The following SLFN12L variants were observed in gnomAD, a reference collection of about 807,000 sequenced individuals.
SLFN12L encodes the protein schlafen family member 12 like.
A neutral mutation model predicts 34.8 loss-of-function variants in SLFN12L; 34 were observed. The observed-to-expected ratio is 0.98, with a 90% CI of 0.74 to 1.30. SLFN12L has a LOEUF of 1.30. SLFN12L is among the 50% of genes most tolerant of loss of function. SLFN12L has a pLI of 0.00. For synonymous variants in SLFN12L, 259 were observed against 247.5 expected (o/e 1.05, Z -0.44); for missense variants, 703 against 696.2 (o/e 1.01, Z -0.11).
rs1201091339 is a variant in SLFN12L, at chr17:35,530,497, AAAGAAAGAAAG to A, written c.-606+7065_-606+7075del. 4.5e-4 allele frequency among the ~76,000 whole-genome samples: 17 copies of A among 37,864 alleles called. No individual in the cohort carries two copies. In the East Asian group the frequency reaches 5.8e-3, roughly 13 times the overall value. The allele number at this position is 37,864 out of a possible 152,430, so 24.8% of individuals were successfully genotyped here. On this transcript the variant is annotated intron_variant, in intron 1 of 4. Transcript: ENST00000628453. ...GAAAGAAAGAAAGAAAGAAAGAAAGAAAGAAAGAAAGAAAGAAAAGAAAAGAAAAGAAAAGA... is the reference window on the plus strand; with the variant it reads ...GAAAGAAAGAAAGAAAGAAAGAAAGAAAAGAAAAGAAAAGAAAAGAAAAGA...
At chr17:35,537,019 G>A (rs2072468685) in intron 1 of SLFN12L, among the ~76,000 whole-genome samples, 1 of 151,606 alleles carries the variant, frequency 6.6e-6, no homozygotes, top group Non-Finnish European at 1.5e-5. Context: ...CTACAGAAAC[G>A]AAAAAAATTA....
At chr17:35,490,529 A>G (rs1020867033) in intron 2 of SLFN12L, 3 of 880,094 alleles carry the variant, frequency 3.4e-6, no homozygotes, top group Admixed American at 1.7e-5. Flanking sequence ...AAGTCTAAAA[A>G]TAACGTCCAG....
At chr17:35,505,410 C>T (rs1000565011) in intron 2 of SLFN12L, among the ~76,000 whole-genome samples, 1 of 152,212 alleles carries the variant, frequency 6.6e-6, no homozygotes, top group Non-Finnish European at 1.5e-5. Flanking sequence ...GCAGCAACAG[C>T]TCTGCTAGCA....
chr17:35,520,642 G>A (rs1181508532), intron 2 of SLFN12L, among the ~76,000 whole-genome samples: 2 of 152,232 alleles, frequency 1.3e-5, no homozygotes, highest in South Asian at 2.1e-4. Context: ...CTACTCGGGA[G>A]GTTGAGGCAG....
At chr17:35,515,263 G>A (rs1261540523) in intron 2 of SLFN12L, 1 of 451,476 alleles carries the variant, frequency 2.2e-6, no homozygotes, top group African/African-American at 2.0e-5. Flanking sequence ...TCCGAGCACA[G>A]GGAGCCGCTC....
At chr17:35,481,719 T>A (rs943526377) in intron 2 of SLFN12L, among the ~76,000 whole-genome samples, 1 of 152,228 alleles carries the variant, frequency 6.6e-6, no homozygotes, top group Non-Finnish European at 1.5e-5. Flanking sequence ...CAGCTGTTTT[T>A]CTTATATCTC....
chr17:35,483,935 A>G (rs527243778), intron 2 of SLFN12L, among the ~76,000 whole-genome samples: 1 of 152,360 alleles, frequency 6.6e-6, no homozygotes, highest in South Asian at 2.1e-4. Context: ...TTGAGGCCCC[A>G]GATCATTTGG....
At chr17:35,513,737 C>T (rs1915727419) in intron 2 of SLFN12L, among the ~76,000 whole-genome samples, 1 of 152,154 alleles carries the variant, frequency 6.6e-6, no homozygotes, top group Non-Finnish European at 1.5e-5. Flanking sequence ...TGAAGTAGGA[C>T]TTAGGAGGTA....
chr17:35,486,615 C>A (rs972206400), intron 2 of SLFN12L, among the ~76,000 whole-genome samples: 3 of 152,124 alleles, frequency 2.0e-5, no homozygotes, highest in African/African-American at 7.2e-5. Context: ...TAAATAAAAA[C>A]GAGCTGAGGA....
At position 35,464,454 on chromosome 17, in the gene SLFN12L, T is replaced by C. The variant is rs1913690428; in HGVS notation, c.*10469A>G. 8.1e-6 allele frequency: 1 copy of C among 122,820 alleles called. No individual in the cohort carries two copies. Among genetic ancestry groups the C allele is most frequent in the Non-Finnish European group, 1.6e-5 (1 of 62,062 alleles). 7.6% of individuals were successfully genotyped at this position (122,820 alleles called of 1,614,324 possible). A position where few individuals can be genotyped will look rare whatever the true frequency, so the allele number is the denominator to read the frequency against. On this transcript the variant is annotated 3_prime_UTR_variant, in exon 5 of 5. Coordinates refer to ENST00000628453, the MANE Select transcript of SLFN12L (RefSeq NM_001363830.2). ...CCCTCAAATAGACCCCAGTGTCTGC[T>C]GTTTCCTTCTTTGTGTTCATAAGTT...
chr17:35,524,430 A>G (rs1214316151), intron 1 of SLFN12L, among the ~76,000 whole-genome samples: 1 of 152,220 alleles, frequency 6.6e-6, no homozygotes, highest in African/African-American at 2.4e-5. Context: ...CCCAATTGGG[A>G]GACACCTCCC....
rs1913740914 is a variant in SLFN12L at position 35,467,912 on chromosome 17, C to G, written c.*7011G>C. Among the ~76,000 whole-genome samples, 1 of 151,920 alleles carries G rather than the reference C, an allele frequency of 6.6e-6. No homozygotes were observed. Among genetic ancestry groups the G allele is most frequent in the Non-Finnish European group, 1.5e-5 (1 of 68,008 alleles). On this transcript the variant is annotated 3_prime_UTR_variant, in exon 5 of 5. Transcript: ENST00000628453. ...TTTTTGTTTTGTTTGTTTGTTTTTG[C>G]TTTTTGTTTTGGTCTGAGACAAGGT...
intron 2 of SLFN12L, among the ~76,000 whole-genome samples, chr17:35,495,979 C>G (rs1416176642): frequency 6.6e-6 from 1 of 151,644 alleles, no homozygotes; most frequent in Non-Finnish European, 1.5e-5. Flanking sequence ...GTGTCTACAG[C>G]GCCTTCGGGG....
rs1463844388 is a variant in SLFN12L, at chr17:35,473,730, A to C, written c.*1193T>G. 2 of 152,156 alleles carry C rather than the reference A, an allele frequency of 1.3e-5. No homozygotes were observed. Among genetic ancestry groups the C allele is most frequent in the African/African-American group, 4.8e-5 (2 of 41,426 alleles). 9.4% of individuals were successfully genotyped at this position (152,156 alleles called of 1,614,324 possible). A position where few individuals can be genotyped will look rare whatever the true frequency, so the allele number is the denominator to read the frequency against. On this transcript the variant is annotated 3_prime_UTR_variant, in exon 5 of 5. Coordinates refer to ENST00000628453, the MANE Select transcript of SLFN12L (RefSeq NM_001363830.2). ...TTGGAATAGTTTCAGTAGAAATGGT[A>C]CCAGCTCCTCTTTGTACCTCTGGTA...
At chr17:35,495,456 A>G (rs984558372) in intron 2 of SLFN12L, among the ~76,000 whole-genome samples, 4 of 152,212 alleles carry the variant, frequency 2.6e-5, no homozygotes, top group Non-Finnish European at 5.9e-5. Flanking sequence ...ACAGTAACAT[A>G]TAAAGCAATA....
intron 2 of SLFN12L, among the ~76,000 whole-genome samples, chr17:35,495,797 C>T (rs923086292): frequency 1.3e-5 from 2 of 151,832 alleles, no homozygotes; most frequent in Non-Finnish European, 2.9e-5. Context: ...TCCTTCGCGC[C>T]CACTAACAAC....
intron 1 of SLFN12L, among the ~76,000 whole-genome samples, chr17:35,536,419 C>T (rs2072461880): frequency 1.3e-5 from 2 of 152,186 alleles, no homozygotes; most frequent in Admixed American, 6.5e-5. Context: ...TGCAGTGACA[C>T]ATTTGCAAAC....
chr17:35,480,493 T>C (rs566142393), intron 2 of SLFN12L: 1 of 260,406 alleles, frequency 3.8e-6, no homozygotes, highest in Non-Finnish European at 7.1e-6. Flanking sequence ...TTGTTTTCTC[T>C]CTTCTTTCTT....
intron 1 of SLFN12L, among the ~76,000 whole-genome samples, chr17:35,530,527 GAAAAGAAAAGAA>G (rs1352310664): frequency 2.7e-5 from 1 of 37,482 alleles, no homozygotes; most frequent in Non-Finnish European, 7.5e-5. Flanking sequence ...GAAAAGAAAA[GAAAAGAAAAGAA>G]AAGAAAGAAA....
Sources: gnomAD v4.1 joint callset for allele counts (sites outside exome capture counted in the v4.1 genomes callset) on GRCh38, gnomAD v4.1.1 for gene constraint, MANE v1.5 for transcripts, NCBI Gene and HGNC (gene_info 2026-07-23, HGNC 2026-07-21) for gene names.